RTN4RL1: variants seen among roughly 807,000 people sequenced by gnomAD.
RTN4RL1 encodes the protein reticulon-4 receptor-like 1.
RTN4RL1 carries 7 observed loss-of-function variants against 25.6 expected under a neutral mutation model. The observed-to-expected ratio is 0.27, with a 90% CI of 0.16 to 0.51. The LOEUF (loss-of-function observed/expected upper bound fraction) is 0.51. Ranked by LOEUF, RTN4RL1 falls within the 20% of genes least tolerant of loss-of-function variation. The pLI, the probability that RTN4RL1 is intolerant of heterozygous loss-of-function variation, is 0.97. For synonymous variants in RTN4RL1, 297 were observed against 288.2 expected (o/e 1.03, Z -0.31); for missense variants, 500 against 615.6 (o/e 0.81, Z 1.99).
chr17:2,000,779 C>G lies in RTN4RL1; in HGVS notation c.13+24074G>C, dbSNP rs190371320. Among the ~76,000 whole-genome samples, 55 of 152,188 alleles carry G rather than the reference C, an allele frequency of 3.6e-4. No homozygotes were observed. In the East Asian group the frequency reaches 9.7e-3, roughly 27 times the overall value. On this transcript the variant is annotated intron_variant, in intron 1 of 1. Coordinates refer to ENST00000331238, the MANE Select transcript of RTN4RL1 (RefSeq NM_178568.4). ...AGGTGATCCGCCCAGCTCAGCCTCC[C>G]GAAGTACGGGGATTACAGGGGTGCG...
At chr17:1,958,065 C>T (rs1915825824) in intron 1 of RTN4RL1, among the ~76,000 whole-genome samples, 1 of 151,754 alleles carries the variant, frequency 6.6e-6, no homozygotes, top group Non-Finnish European at 1.5e-5. Flanking sequence ...TGTCAGGGCA[C>T]ACCTGTAGTC....
chr17:1,985,102 T>G (rs1185552455), intron 1 of RTN4RL1, among the ~76,000 whole-genome samples: 5 of 152,266 alleles, frequency 3.3e-5, no homozygotes, highest in Non-Finnish European at 5.9e-5. Context: ...ATATACTTTG[T>G]TCCTTTTTAA....
intron 1 of RTN4RL1, among the ~76,000 whole-genome samples, chr17:2,004,359 C>A (rs1259218017): frequency 1.6e-5 from 2 of 127,148 alleles, no homozygotes; most frequent in African/African-American, 6.1e-5. Context: ...CAGAGCGAGA[C>A]TCTGTCTCAA....
chr17:2,022,315 C>CA (rs1437658873), intron 1 of RTN4RL1, among the ~76,000 whole-genome samples: 3 of 151,682 alleles, frequency 2.0e-5, no homozygotes, highest in Non-Finnish European at 4.4e-5. Context: ...AACTCTGTCT[C>CA]AAAAAAAATT....
chr17:1,997,214 A>G (rs1006646201), intron 1 of RTN4RL1, among the ~76,000 whole-genome samples: 3 of 152,120 alleles, frequency 2.0e-5, no homozygotes, highest in Non-Finnish European at 4.4e-5. Flanking sequence ...GCCGCTCACT[A>G]CCTGCTTCTT....
chr17:1,960,435 C>T (rs556682629), intron 1 of RTN4RL1, among the ~76,000 whole-genome samples: 1 of 152,312 alleles, frequency 6.6e-6, no homozygotes, highest in South Asian at 2.1e-4. Context: ...TGAGCGGCCC[C>T]ACCTCCCTCT....
chr17:1,986,641 G>C (rs145888306), intron 1 of RTN4RL1, among the ~76,000 whole-genome samples: 146 of 152,072 alleles, frequency 9.6e-4, no homozygotes, highest in Non-Finnish European at 1.3e-3. Context: ...GAGCCTTCGT[G>C]GGGTGCACAG....
At chr17:2,000,582 A>G (rs2066952416) in intron 1 of RTN4RL1, among the ~76,000 whole-genome samples, 1 of 151,838 alleles carries the variant, frequency 6.6e-6, no homozygotes. Context: ...CTGGTGTGCA[A>G]TGGTGCGATC....
At chr17:1,966,118 A>T (rs2066790066) in intron 1 of RTN4RL1, among the ~76,000 whole-genome samples, 1 of 152,082 alleles carries the variant, frequency 6.6e-6, no homozygotes, top group African/African-American at 2.4e-5. Context: ...ATGGCTCATT[A>T]TTCCGGTATT....
intron 1 of RTN4RL1, among the ~76,000 whole-genome samples, chr17:1,962,145 T>G (rs2066766888): frequency 6.7e-6 from 1 of 149,334 alleles, no homozygotes; most frequent in African/African-American, 2.5e-5. Context: ...TAGCCAGGCG[T>G]GGCACGTGCA....
At chr17:2,024,784 C>T (rs889159025) in intron 1 of RTN4RL1, 69 bp downstream of exon 1, 31 of 1,495,510 alleles carry the variant, frequency 2.1e-5, no homozygotes, top group South Asian at 8.7e-5. Flanking sequence ...CGGCGCCGGG[C>T]GGCGCCCGGG....
Position 1,936,397 on chromosome 17 carries a change from C to G in RTN4RL1, c.*99G>C, listed in dbSNP as rs1050254840. 2.1e-5 allele frequency: 31 copies of G among 1,453,570 alleles called. No homozygotes were observed. Among genetic ancestry groups the G allele is most frequent in the African/African-American group, 2.9e-5 (2 of 70,162 alleles). 90.0% of individuals were successfully genotyped at this position (1,453,570 alleles called of 1,614,324 possible). A position where few individuals can be genotyped will look rare whatever the true frequency, so the allele number is the denominator to read the frequency against. On this transcript the variant is annotated 3_prime_UTR_variant, in exon 2 of 2. Coordinates refer to ENST00000331238, the MANE Select transcript of RTN4RL1 (RefSeq NM_178568.4). ...AGCCGAAGGCTCTACCAGCCTTTTC[C>G]TGAAACCCAGCAGATCTTCCACTTG...
intron 1 of RTN4RL1, among the ~76,000 whole-genome samples, chr17:1,982,663 G>A (rs749631156): frequency 3.3e-5 from 5 of 151,304 alleles, no homozygotes; most frequent in Admixed American, 2.6e-4. Context: ...TCTGGGAAGG[G>A]GCAGTTCCAC....
chr17:1,990,712 CTT>C (rs1311023546), intron 1 of RTN4RL1, among the ~76,000 whole-genome samples: 1 of 152,096 alleles, frequency 6.6e-6, no homozygotes, highest in East Asian at 1.9e-4. Context: ...AAAAACAAAA[CTT>C]ACTGTAATAC....
chr17:2,020,164 C>T (rs2067182393), intron 1 of RTN4RL1: 1 of 152,160 alleles, frequency 6.6e-6, no homozygotes, highest in South Asian at 2.1e-4. Context: ...CAGAAATGGG[C>T]TGGGAAGGCC....
intron 1 of RTN4RL1, chr17:2,019,129 G>A (rs943834867): frequency 2.0e-5 from 3 of 152,088 alleles, no homozygotes; most frequent in African/African-American, 7.3e-5. Context: ...GCCTTGGGGG[G>A]GGCCCTCACG....
chr17:1,939,369 A>AATAC (rs546764489), intron 1 of RTN4RL1, among the ~76,000 whole-genome samples: 2,191 of 151,682 alleles, frequency 0.014, 47 homozygotes, highest in African/African-American at 0.047. Flanking sequence ...TAAATAAATA[A>AATAC]ATAAATAAAT....
intron 1 of RTN4RL1, among the ~76,000 whole-genome samples, chr17:1,974,051 A>G (rs2066832109): frequency 6.6e-6 from 1 of 151,424 alleles, no homozygotes; most frequent in East Asian, 1.9e-4. Flanking sequence ...AAAAAAAAAA[A>G]AAAAAAAAAG....
chr17:1,962,948 T>A lies in RTN4RL1; in HGVS notation c.14-25140A>T, dbSNP rs898461555. 3.9e-5 allele frequency among the ~76,000 whole-genome samples: 6 copies of A among 151,954 alleles called. No homozygotes were observed. In the East Asian group the frequency reaches 7.7e-4, roughly 20 times the overall value. On this transcript the variant is annotated intron_variant, in intron 1 of 1. Transcript: ENST00000331238. ...ATCATTGCCAACTCTATTTTATTTT[T>A]TTTTTAAGAGACAGGGTCTCACTCA...
Sources: gnomAD v4.1 joint callset for allele counts (sites outside exome capture counted in the v4.1 genomes callset) on GRCh38, gnomAD v4.1.1 for gene constraint, MANE v1.5 for transcripts, NCBI Gene and HGNC (gene_info 2026-07-23, HGNC 2026-07-21) for gene names.